Variants in RUNX2 observed in about 807,000 individuals in gnomAD.
RUNX2 encodes the protein runt-related transcription factor 2.
RUNX2 carries 10 observed loss-of-function variants against 51.7 expected under a neutral mutation model. That is an observed-to-expected ratio of 0.19 (90% CI 0.12 to 0.33). The LOEUF is 0.33. RUNX2 is among the 10% of genes least tolerant of loss of function. The pLI, the probability that RUNX2 is intolerant of heterozygous loss-of-function variation, is 1.00. For synonymous variants in RUNX2, 276 were observed against 273.6 expected, an observed-to-expected ratio of 1.01 and a Z score of -0.09; for missense variants, 562 against 691.3, an observed-to-expected ratio of 0.81 and a Z score of 2.10.
chr6:45,383,031 G>A (rs976833277), intron 2 of RUNX2, among the ~76,000 whole-genome samples: 2 of 152,210 alleles, frequency 1.3e-5, no homozygotes, highest in Non-Finnish European at 2.9e-5. Context: ...GGGGAAGATT[G>A]GGGTTGGAGT....
intron 2 of RUNX2, among the ~76,000 whole-genome samples, chr6:45,339,628 C>T (rs1789342501): frequency 6.6e-6 from 1 of 151,972 alleles, no homozygotes; most frequent in Admixed American, 6.6e-5. Flanking sequence ...ACAGAGGATT[C>T]CATAAGATGA....
At chr6:45,438,122 T>A (rs1479518634) in intron 5 of RUNX2, 71 bp downstream of exon 5, 1 of 967,450 alleles carries the variant, frequency 1.0e-6, no homozygotes. Context: ...TTATTCCAAA[T>A]GAGTTAGTGT....
At chr6:45,476,922 C>G (rs1799971146) in intron 5 of RUNX2, among the ~76,000 whole-genome samples, 1 of 152,110 alleles carries the variant, frequency 6.6e-6, no homozygotes, top group Admixed American at 6.5e-5. Flanking sequence ...TTGGTAGAAA[C>G]TGGAAATGCA....
At chr6:45,378,401 C>A (rs987678085) in intron 2 of RUNX2, among the ~76,000 whole-genome samples, 2 of 152,142 alleles carry the variant, frequency 1.3e-5, no homozygotes, top group Non-Finnish European at 2.9e-5. Flanking sequence ...AATGGGATTG[C>A]GCGTTTACAA....
At chr6:45,410,282 G>T (rs759667292) in intron 2 of RUNX2, among the ~76,000 whole-genome samples, 1 of 152,186 alleles carries the variant, frequency 6.6e-6, no homozygotes, top group African/African-American at 2.4e-5. Flanking sequence ...CACGTTAGGA[G>T]TCCATTGTAG....
At chr6:45,342,191 A>C (rs1789921342) in intron 2 of RUNX2, among the ~76,000 whole-genome samples, 1 of 152,186 alleles carries the variant, frequency 6.6e-6, no homozygotes, top group Admixed American at 6.5e-5. Flanking sequence ...TATTATAAAT[A>C]GAATGAGTTC....
chr6:45,343,251 T>C (rs915169687), intron 2 of RUNX2, among the ~76,000 whole-genome samples: 2 of 152,136 alleles, frequency 1.3e-5, no homozygotes, highest in African/African-American at 2.4e-5. Context: ...GGCTCACACC[T>C]GTAATCCCAG....
At chr6:45,331,893 T>C (rs1473268065) in intron 2 of RUNX2, among the ~76,000 whole-genome samples, 1 of 151,968 alleles carries the variant, frequency 6.6e-6, no homozygotes, top group Non-Finnish European at 1.5e-5. Flanking sequence ...CATGCTAAAG[T>C]TAAATTCGGT....
intron 7 of RUNX2, among the ~76,000 whole-genome samples, chr6:45,521,225 A>G (rs1232326001): frequency 1.3e-5 from 2 of 152,232 alleles, no homozygotes; most frequent in Admixed American, 1.3e-4. Context: ...TGTAGGAGAA[A>G]AAAAGGAAGA....
At chr6:45,458,482 A>G (rs1010064391) in intron 5 of RUNX2, among the ~76,000 whole-genome samples, 1 of 152,362 alleles carries the variant, frequency 6.6e-6, no homozygotes, top group Admixed American at 6.5e-5. Flanking sequence ...CTAAGGAATC[A>G]GCTGTGACAA....
intron 2 of RUNX2, among the ~76,000 whole-genome samples, chr6:45,407,030 C>A (rs1797849224): frequency 6.6e-6 from 1 of 152,282 alleles, no homozygotes; most frequent in Middle Eastern, 3.4e-3. Context: ...ATTATCCTTA[C>A]CTGTAAAACC....
chr6:45,547,151 C>T lies in RUNX2; in HGVS notation c.1412C>T (p.Pro471Leu), dbSNP rs142108189. 195 of 1,614,150 alleles carry T rather than the reference C, an allele frequency of 1.2e-4. No homozygotes were observed. The highest frequency in any genetic ancestry group is 1.6e-4 in the Non-Finnish European group (183 of 1,180,036). Residue 471 changes from proline (P) to leucine (L), a missense_variant, in exon 9 of 9, where the codon CCG (proline) becomes CTG (leucine). By Grantham distance (98) the Pro-to-Leu change is moderately conservative. Transcript: ENST00000647337. The part of the protein sequence containing the change: ...GGDRSPSRML[P>L]PCTTTSNGST... Reference sequence around the variant, plus strand: ...GACCGGTCTCCTTCCAGAATGCTTCCGCCATGCACCACCACCTCGAATGGC... The same window carrying T: ...GACCGGTCTCCTTCCAGAATGCTTCTGCCATGCACCACCACCTCGAATGGC...
At chr6:45,406,611 G>A (rs1225850200) in intron 2 of RUNX2, among the ~76,000 whole-genome samples, 1 of 152,082 alleles carries the variant, frequency 6.6e-6, no homozygotes, top group East Asian at 1.9e-4. Flanking sequence ...TTGCCATGTT[G>A]GCCAGGTTGG....
chr6:45,423,104 C>CTG (rs1798270176), intron 3 of RUNX2, 147 bp downstream of exon 3: 1 of 1,088,116 alleles, frequency 9.2e-7, no homozygotes, highest in East Asian at 2.6e-5. Context: ...GGCCGGGCCT[C>CTG]CCTCCGGATG....
intron 2 of RUNX2, among the ~76,000 whole-genome samples, chr6:45,369,236 T>C (rs1795642693): frequency 6.6e-6 from 1 of 152,086 alleles, no homozygotes; most frequent in Admixed American, 6.6e-5. Flanking sequence ...AACCATTCCA[T>C]GTTCTTTTGA....
intron 3 of RUNX2, among the ~76,000 whole-genome samples, chr6:45,428,804 G>T (rs143564589): frequency 6.8e-6 from 1 of 146,806 alleles, no homozygotes; most frequent in African/African-American, 2.5e-5. Flanking sequence ...TAATGTCCCA[G>T]AGTTCTTGAA....
At chr6:45,452,213 G>A (rs945739774) in intron 5 of RUNX2, among the ~76,000 whole-genome samples, 2 of 152,222 alleles carry the variant, frequency 1.3e-5, no homozygotes, top group Non-Finnish European at 2.9e-5. Flanking sequence ...ATTTCCAGGT[G>A]ACACCAAAGT....
intron 7 of RUNX2, among the ~76,000 whole-genome samples, chr6:45,538,881 G>A (rs749588981): frequency 2.6e-5 from 4 of 152,100 alleles, no homozygotes; most frequent in Non-Finnish European, 4.4e-5. Context: ...CGGCACCGTG[G>A]GTGGCCCCTT....
chr6:45,422,501 C>A, intron 2 of RUNX2, 92 bp from the exon 3 acceptor site: 1 of 876,128 alleles, frequency 1.1e-6, no homozygotes, highest in Non-Finnish European at 1.6e-6. Context: ...CCTTCACCCC[C>A]CCAATTTCCT....
Sources: gnomAD v4.1 joint callset for allele counts (sites outside exome capture counted in the v4.1 genomes callset) on GRCh38, gnomAD v4.1.1 for gene constraint, MANE v1.5 for transcripts, NCBI Gene and HGNC (gene_info 2026-07-23, HGNC 2026-07-21) for gene names.